Variants in EFL1 observed in about 807,000 individuals in gnomAD.
EFL1 encodes elongation factor-like GTPase 1.
A neutral mutation model predicts 126.7 loss-of-function variants in EFL1; 76 were observed. The ratio of observed to expected loss-of-function variants is 0.60; its 90% CI spans 0.50 to 0.73. The LOEUF (loss-of-function observed/expected upper bound fraction) is 0.73, where lower values mean the gene tolerates loss of function less well. Among genes scored for constraint, EFL1 ranks in the 30% least tolerant of loss-of-function variants. The pLI is 0.00. For missense variants in EFL1, 1,128 were observed against 1,343.2 expected (o/e 0.84, Z 2.50); for synonymous variants, 410 against 448.4 (o/e 0.91, Z 1.08).
chr15:82,200,355 T>C (rs1279179408), intron 15 of EFL1, among the ~76,000 whole-genome samples: 7 of 152,174 alleles, frequency 4.6e-5, no homozygotes, highest in Admixed American at 4.6e-4. Context: ...GAGAATACTA[T>C]ACAAAATAAC....
Position 82,259,429 on chromosome 15 carries a change from T to C in EFL1, c.92-274A>G, listed in dbSNP as rs139315412. Among the ~76,000 whole-genome samples the C allele has an allele frequency of 9.9e-3, 1,503 of 152,324 alleles. 27 individuals are homozygous for C. The highest frequency in any genetic ancestry group is 0.035 in the African/African-American group (1,435 of 41,562). On this transcript the variant is annotated intron_variant, in intron 2 of 19. Coordinates refer to ENST00000268206, the MANE Select transcript of EFL1 (RefSeq NM_024580.6). The stretch of plus-strand genomic sequence containing the variant: ...AGTTGTCAAGTAACTTTAGAGAACA[T>C]ACTCTTTTGCCATATTTCCCCATGC...
chr15:82,195,576 T>C (rs1332890032), intron 15 of EFL1, among the ~76,000 whole-genome samples: 1 of 152,192 alleles, frequency 6.6e-6, no homozygotes, highest in African/African-American at 2.4e-5. Flanking sequence ...CAGTCTCTCT[T>C]TGTGATTTGC....
chr15:82,132,551 G>A lies in EFL1; in HGVS notation c.3175-1990C>T, dbSNP rs943849400. On this transcript the variant is annotated intron_variant, in intron 19 of 19. Coordinates refer to ENST00000268206, the MANE Select transcript of EFL1 (RefSeq NM_024580.6). Reference sequence around the variant, plus strand: ...CAGTAGAAGTGAGAGCAGCCAGGGGGCACAGAGGCATTATCAGCACTAGAG... The same window carrying A: ...CAGTAGAAGTGAGAGCAGCCAGGGGACACAGAGGCATTATCAGCACTAGAG... 1.4e-4 allele frequency among the ~76,000 whole-genome samples: 21 copies of A among 151,950 alleles called. No individual in the cohort carries two copies. The East Asian group carries it at 3.7e-3, about 27-fold the overall frequency.
chr15:82,216,128 G>A (rs2074643559), intron 14 of EFL1, among the ~76,000 whole-genome samples: 1 of 152,054 alleles, frequency 6.6e-6, no homozygotes, highest in South Asian at 2.1e-4. Flanking sequence ...TAGAAAATAT[G>A]TGTATTTAAA....
chr15:82,237,124 C>A (rs1388379202), intron 7 of EFL1, among the ~76,000 whole-genome samples: 4 of 152,158 alleles, frequency 2.6e-5, no homozygotes, highest in African/African-American at 9.7e-5. Flanking sequence ...GCCTGGGCAA[C>A]AGGGCAAGAC....
chr15:82,165,628 C>CT, intron 15 of EFL1, among the ~76,000 whole-genome samples: 1 of 152,308 alleles, frequency 6.6e-6, no homozygotes, highest in East Asian at 1.9e-4. Flanking sequence ...ATCTTCCTTG[C>CT]AGTATTCTAA....
At chr15:82,182,617 AT>A (rs1285215204) in intron 15 of EFL1, among the ~76,000 whole-genome samples, 1 of 151,986 alleles carries the variant, frequency 6.6e-6, no homozygotes, top group Non-Finnish European at 1.5e-5. Flanking sequence ...AGATCAGGAG[AT>A]CGAGACCATC....
At chr15:82,217,513 A>T (rs2074663070) in intron 14 of EFL1, among the ~76,000 whole-genome samples, 1 of 150,702 alleles carries the variant, frequency 6.6e-6, no homozygotes, top group African/African-American at 2.4e-5. Context: ...ATTAACATAG[A>T]TTAATCTCAC....
rs749695469 is a variant in EFL1 at position 82,241,318 on chromosome 15, A to G, written c.330T>C (p.Cys110=). ...CATCTACCACAATGATGCATCCATC[A>G]CAAATGCGAACAGCGGTTGATACTT... ...SSEVSTAVRI[C]DGCIIVVDAV... Residue 110 remains cysteine (C), a synonymous_variant, in exon 5 of 20, where the codon TGT becomes TGC. Transcript: ENST00000268206. The G allele has an allele frequency of 6.2e-7, 1 of 1,614,006 alleles. No homozygotes were observed. The highest frequency in any genetic ancestry group is 1.3e-5 in the African/African-American group (1 of 75,054).
At chr15:82,240,300 G>A in intron 6 of EFL1, 118 bp downstream of exon 6, 4 of 919,450 alleles carry the variant, frequency 4.4e-6, no homozygotes, top group South Asian at 1.8e-5. Context: ...ACAGCAACAC[G>A]TATGAATCTG....
At position 82,261,649 on chromosome 15, in the gene EFL1, CTTAT is replaced by C. The variant is rs910061784; in HGVS notation, c.91+35_91+38del. ...CTGAGACATACAGAGACACATCTCC[CTTAT>C]TTATCAAAATAAGCCATTTAAAAAG... On this transcript the variant is annotated intron_variant, in intron 2 of 19. Coordinates refer to ENST00000268206, the MANE Select transcript of EFL1 (RefSeq NM_024580.6). The C allele has an allele frequency of 1.0e-5, 16 of 1,582,280 alleles. No homozygotes were observed. The African/African-American group carries it at 1.3e-4, about 13-fold the overall frequency.
In EFL1 at chr15:82,160,794, C is replaced by T. The variant is rs141156574; in HGVS notation, c.1883-2934G>A. On this transcript the variant is annotated intron_variant, in intron 16 of 19. Transcript: ENST00000268206. ...ATCTGAATTCTGACCTCACTGCTTC[C>T]TAACTGTATGGCCTTGGGCAAATTA... 7.2e-3 allele frequency among the ~76,000 whole-genome samples: 1,093 copies of T among 152,236 alleles called. 12 individuals carry two copies. The highest frequency in any genetic ancestry group is 0.034 in the Middle Eastern group (10 of 294).
Position 82,138,754 on chromosome 15 carries a change from A to G in EFL1, c.3078T>C (p.Ala1026=), listed in dbSNP as rs1475716299. The change falls in exon 19 of 20, where the codon GCT becomes GCC. Residue 1026 remains alanine (A), a synonymous_variant. Transcript: ENST00000268206. ...CAAAGCTTTCAGCAACAGGCAGCAC[A>G]GCCTTGATGATGAACATGTCTGTCC... is the stretch of plus-strand genomic sequence containing the variant. ...KEGTDMFIIK[A]VLPVAESFGF... The G allele has an allele frequency of 6.2e-7, 1 of 1,613,964 alleles. No homozygotes were observed. The highest frequency in any genetic ancestry group is 8.5e-7 in the Non-Finnish European group (1 of 1,179,948).
chr15:82,167,275 C>A (rs191135143), intron 15 of EFL1, among the ~76,000 whole-genome samples: 1 of 152,212 alleles, frequency 6.6e-6, no homozygotes, highest in African/African-American at 2.4e-5. Context: ...CCTTTATGAT[C>A]CTGATTTTTC....
chr15:82,187,258 C>G (rs987558389), intron 15 of EFL1, among the ~76,000 whole-genome samples: 1 of 152,052 alleles, frequency 6.6e-6, no homozygotes, highest in Non-Finnish European at 1.5e-5. Flanking sequence ...TTTCTAATAG[C>G]GAAAACAAAT....
rs747853447 is a variant in EFL1 at position 82,151,490 on chromosome 15, G to A, written c.2964C>T (p.Asp988=). 6.2e-6 allele frequency: 10 copies of A among 1,612,048 alleles called. No individual in the cohort carries two copies. In the Middle Eastern group the frequency reaches 4.9e-4, roughly 80 times the overall value. ...QRLMAAMYTC[D]IMATGDVLGR... ...CGAGAACATCACCAGTGGCCATGAT[G>A]TCACATGTGTACATAGCTGCCATCA... Residue 988 remains aspartate, a synonymous_variant, in exon 18 of 20, where the codon GAC becomes GAT. Coordinates refer to ENST00000268206, the MANE Select transcript of EFL1 (RefSeq NM_024580.6).
chr15:82,247,099 T>C (rs146164140), intron 4 of EFL1, among the ~76,000 whole-genome samples: 2,733 of 151,984 alleles, frequency 0.018, 32 homozygotes, highest in Non-Finnish European at 0.026. Context: ...AAGCAGGAAA[T>C]GAATGAAGAA....
In EFL1 at chr15:82,151,566, G is replaced by A. The variant is rs756240807; in HGVS notation, c.2888C>T (p.Ala963Val). The A allele has an allele frequency of 8.1e-6, 13 of 1,614,140 alleles. No homozygotes were observed. Among genetic ancestry groups the A allele is most frequent in the Non-Finnish European group, 1.1e-5 (13 of 1,180,002 alleles). ...CYGPFSGQLI[A>V]TMKEACRYAL... ...ATAGCGACATGCTTCTTTCATGGTG[G>A]CAATTAGCTGTCCTGAGAAAGGTCC... The change falls in exon 18 of 20, where the codon GCC becomes GTC. Residue 963 changes from alanine to valine, a missense_variant. Physicochemically the swap from Ala to Val is moderately conservative, Grantham distance 64 (BLOSUM62 0). This residue lies in a region of EFL1 where 561 missense variants were observed against 641.7 expected (regional missense o/e 0.87). Transcript: ENST00000268206.
intron 15 of EFL1, among the ~76,000 whole-genome samples, chr15:82,201,763 C>T (rs1449932787): frequency 6.9e-6 from 1 of 144,858 alleles, no homozygotes. Context: ...CAGCTAATGG[C>T]TTTGTTGAAC....
Sources: allele counts gnomAD v4.1 joint callset (sites outside exome capture counted in the v4.1 genomes callset), GRCh38; gene constraint gnomAD v4.1.1; regional missense constraint gnomAD v4.1.1; transcripts MANE v1.5; gene names NCBI Gene and HGNC (gene_info 2026-07-23, HGNC 2026-07-21).